Variants in MYZAP observed in about 807,000 individuals in gnomAD.
MYZAP encodes the protein GRINL1A complex locus upstream.
A neutral mutation model predicts 69.4 loss-of-function variants in MYZAP; 66 were observed. The observed-to-expected ratio is 0.95, with a 90% CI of 0.78 to 1.17. The LOEUF (loss-of-function observed/expected upper bound fraction) is 1.17. MYZAP is among the 50% of genes most tolerant of loss of function. The pLI is 0.00. For missense variants in MYZAP, 611 were observed against 556.2 expected, an observed-to-expected ratio of 1.10 and a Z score of -0.99; for synonymous variants, 256 against 205.9, an observed-to-expected ratio of 1.24 and a Z score of -2.09.
Position 57,680,485 on chromosome 15 carries a change from T to TCACACA in MYZAP, c.1305-3890_1305-3885dup, listed in dbSNP as rs71950892. ...GGGGACTCACTGTGGGTTCAGGAGTTCACACACACACACACACACACACAC... is the reference window on the plus strand; with the variant it reads ...GGGGACTCACTGTGGGTTCAGGAGTTCACACACACACACACACACACACACACACAC... On this transcript the variant is annotated intron_variant, in intron 12 of 12. Coordinates refer to ENST00000267853, the MANE Select transcript of MYZAP (RefSeq NM_001018100.5). Among the ~76,000 whole-genome samples, 60 of 143,082 alleles carry TCACACA rather than the reference T, an allele frequency of 4.2e-4. No individual in the cohort carries two copies. The East Asian group carries it at 5.3e-3, about 13-fold the overall frequency. The allele number at this position is 143,082 out of a possible 152,430, so 93.9% of individuals were successfully genotyped here. A position where few individuals can be genotyped will look rare whatever the true frequency, so the allele number is the denominator to read the frequency against.
At chr15:57,671,962 G>A (rs1395184337) in intron 11 of MYZAP, among the ~76,000 whole-genome samples, 1 of 152,192 alleles carries the variant, frequency 6.6e-6, no homozygotes, top group Non-Finnish European at 1.5e-5. Flanking sequence ...TGGACATTGT[G>A]AGTGCTTTGT....
chr15:57,598,168 C>T (rs1418664852), intron 1 of MYZAP, among the ~76,000 whole-genome samples: 3 of 152,192 alleles, frequency 2.0e-5, no homozygotes, highest in African/African-American at 7.2e-5. Context: ...ACTGGATCCG[C>T]AGAGTACCCC....
rs139869842 is a variant in MYZAP at position 57,654,915 on chromosome 15, C to A, written c.1120-6535C>A. ...TTTAGCTATAGCAATCTGTTTCTAA[C>A]GCAGTTTTTATTTAAATGTGCAGAT... On this transcript the variant is annotated intron_variant, in intron 10 of 12. Transcript: ENST00000267853. 7.2e-3 allele frequency among the ~76,000 whole-genome samples: 1,089 copies of A among 151,464 alleles called. 17 individuals are homozygous for A. Among genetic ancestry groups the A allele is most frequent in the African/African-American group, 0.025 (1,043 of 41,268 alleles).
chr15:57,650,940 C>T (rs943703313), intron 10 of MYZAP, among the ~76,000 whole-genome samples: 1 of 152,196 alleles, frequency 6.6e-6, no homozygotes, highest in Non-Finnish European at 1.5e-5. Flanking sequence ...TATAGGTTGA[C>T]ACCAATTGTG....
chr15:57,621,497 C>G (rs949243381), intron 3 of MYZAP, 111 bp from the exon 4 acceptor site: 2 of 1,229,278 alleles, frequency 1.6e-6, no homozygotes, highest in Non-Finnish European at 2.2e-6. Context: ...CAGGCTTGAG[C>G]CACCGCACCT....
chr15:57,601,359 C>T (rs2034405578), intron 1 of MYZAP, among the ~76,000 whole-genome samples: 1 of 151,438 alleles, frequency 6.6e-6, no homozygotes, highest in African/African-American at 2.4e-5. Flanking sequence ...GGACTAGACC[C>T]AGCCTAATAG....
chr15:57,661,069 T>C (rs1302787003), intron 10 of MYZAP, among the ~76,000 whole-genome samples: 1 of 152,042 alleles, frequency 6.6e-6, no homozygotes, highest in Non-Finnish European at 1.5e-5. Context: ...TTTTGGAGAG[T>C]TGTATCTACA....
At chr15:57,649,773 A>C (rs1233639693) in intron 10 of MYZAP, among the ~76,000 whole-genome samples, 1 of 152,186 alleles carries the variant, frequency 6.6e-6, no homozygotes, top group South Asian at 2.1e-4. Flanking sequence ...ATAGTTTTGC[A>C]GTTTGATTGT....
At chr15:57,607,873 A>T (rs1821779960) in intron 2 of MYZAP, among the ~76,000 whole-genome samples, 1 of 152,122 alleles carries the variant, frequency 6.6e-6, no homozygotes, top group Admixed American at 6.5e-5. Context: ...TCCTGGCATG[A>T]GTCACTGAGG....
At chr15:57,604,449 G>C in intron 2 of MYZAP, 94 bp downstream of exon 2, 1 of 1,399,562 alleles carries the variant, frequency 7.1e-7, no homozygotes, top group South Asian at 1.3e-5. Context: ...CCCAGAGGCT[G>C]GGTGTCTGCA....
chr15:57,662,236 G>T (rs1418188017), intron 11 of MYZAP, among the ~76,000 whole-genome samples: 1 of 152,214 alleles, frequency 6.6e-6, no homozygotes, highest in Non-Finnish European at 1.5e-5. Flanking sequence ...CTTTATTAGA[G>T]CTTGGCATTG....
chr15:57,622,080 G>A (rs2035854495), intron 4 of MYZAP, among the ~76,000 whole-genome samples: 1 of 152,052 alleles, frequency 6.6e-6, no homozygotes, highest in Non-Finnish European at 1.5e-5. Flanking sequence ...TGTATACCTG[G>A]AAAGCTCAAG....
At chr15:57,638,175 A>G (rs1211286089) in intron 9 of MYZAP, among the ~76,000 whole-genome samples, 1 of 152,224 alleles carries the variant, frequency 6.6e-6, no homozygotes, top group African/African-American at 2.4e-5. Flanking sequence ...AAAACCTTGC[A>G]TTATCCTCTG....
intron 1 of MYZAP, among the ~76,000 whole-genome samples, chr15:57,603,823 T>C (rs1053479486): frequency 3.5e-4 from 53 of 152,164 alleles, no homozygotes; most frequent in Admixed American, 4.6e-4. Context: ...GAAAAAAAGT[T>C]GTGATTAAAC....
intron 10 of MYZAP, among the ~76,000 whole-genome samples, chr15:57,648,784 GTTT>G (rs34784139): frequency 2.9e-5 from 4 of 136,298 alleles, no homozygotes; most frequent in Admixed American, 7.3e-5. Flanking sequence ...ACTTGTTTCT[GTTT>G]TTTTTTTTTT....
intron 9 of MYZAP, among the ~76,000 whole-genome samples, chr15:57,638,874 T>A (rs2036968009): frequency 6.6e-6 from 1 of 152,192 alleles, no homozygotes; most frequent in African/African-American, 2.4e-5. Flanking sequence ...CCCCTCCAAG[T>A]AATTTACTGG....
intron 10 of MYZAP, chr15:57,647,824 G>T (rs754680228): frequency 2.0e-6 from 2 of 985,398 alleles, no homozygotes; most frequent in Non-Finnish European, 2.4e-6. Context: ...GCCTGCTCTT[G>T]TCTGCCTTTG....
chr15:57,608,207 A>G (rs2034880470), intron 2 of MYZAP, among the ~76,000 whole-genome samples: 1 of 152,156 alleles, frequency 6.6e-6, no homozygotes. Context: ...AGTCTTTCAC[A>G]CTGTTCTGGG....
intron 10 of MYZAP, among the ~76,000 whole-genome samples, chr15:57,643,951 A>G (rs2037308086): frequency 6.6e-6 from 1 of 152,178 alleles, no homozygotes; most frequent in Admixed American, 6.5e-5. Flanking sequence ...ACTTTGCTAT[A>G]ATTGAGATGT....
Sources: allele counts gnomAD v4.1 joint callset (sites outside exome capture counted in the v4.1 genomes callset), GRCh38; gene constraint gnomAD v4.1.1; transcripts MANE v1.5; gene names NCBI Gene and HGNC (gene_info 2026-07-23, HGNC 2026-07-21).